Variants in FUT8 observed in about 807,000 individuals in gnomAD.
FUT8 encodes fucosyltransferase 8.
Under a neutral mutation model 71.3 loss-of-function variants are expected in FUT8, and 29 were observed. That is an observed-to-expected ratio of 0.41 (90% confidence interval 0.30 to 0.55). The LOEUF is 0.55. FUT8 is among the 20% of genes least tolerant of loss of function. The pLI, the probability that FUT8 is intolerant of heterozygous loss-of-function variation, is 0.34. For synonymous variants in FUT8, 254 were observed against 239.3 expected (o/e 1.06, Z -0.57); for missense variants, 544 against 702.1 (o/e 0.77, Z 2.55).
At chr14:65,421,143 A>G (rs1229077122) in intron 1 of FUT8, among the ~76,000 whole-genome samples, 2 of 150,720 alleles carry the variant, frequency 1.3e-5, no homozygotes, top group African/African-American at 4.9e-5. Context: ...CAGTGAGCCA[A>G]GGTTGTGTCA....
chr14:65,523,035 C>T (rs1016210375), intron 2 of FUT8, among the ~76,000 whole-genome samples: 2 of 152,090 alleles, frequency 1.3e-5, no homozygotes, highest in East Asian at 1.9e-4. Context: ...ATAAACGTAA[C>T]GTGTGCATGT....
At chr14:65,434,367 T>A (rs1186832975) in intron 1 of FUT8, among the ~76,000 whole-genome samples, 1 of 152,228 alleles carries the variant, frequency 6.6e-6, no homozygotes, top group African/African-American at 2.4e-5. Context: ...GCTGAGAACT[T>A]AGTTCCCTAG....
At chr14:65,406,666 G>A (rs558452560), upstream of FUT8, among the ~76,000 whole-genome samples, 1 of 152,226 alleles carries the variant, frequency 6.6e-6, no homozygotes, top group East Asian at 1.9e-4. Context: ...CTTCCAAGTA[G>A]CTGAGATTAA....
intron 5 of FUT8, among the ~76,000 whole-genome samples, chr14:65,625,765 G>A (rs1186801416): frequency 1.3e-5 from 2 of 152,168 alleles, no homozygotes; most frequent in East Asian, 1.9e-4. Flanking sequence ...TCTAAATGGT[G>A]GCTAAGATTT....
intron 2 of FUT8, among the ~76,000 whole-genome samples, chr14:65,496,803 G>A (rs2066566797): frequency 6.6e-6 from 1 of 152,128 alleles, no homozygotes; most frequent in East Asian, 1.9e-4. Flanking sequence ...CTTCTATGGG[G>A]TATGGCTGTG....
chr14:65,400,281 A>G, the FUT8 span, among the ~76,000 whole-genome samples: 12 of 152,204 alleles, frequency 7.9e-5, no homozygotes, highest in African/African-American at 2.7e-4. Context: ...TTTTTACCCA[A>G]TCATCAAGTT....
Position 65,516,986 on chromosome 14 carries a change from G to T in FUT8, c.-227-44351G>T, listed in dbSNP as rs538507755. ...CACAAAATATGTCCTTCTAGGACTG[G>T]CTCATTGTATTTAGCATAATGTCTT... is the stretch of plus-strand genomic sequence containing the variant. On this transcript the variant is annotated intron_variant, in intron 2 of 10. Transcript: ENST00000673929. Among the ~76,000 whole-genome samples the T allele has an allele frequency of 8.6e-5, 13 of 150,950 alleles. No individual in the cohort carries two copies. In the East Asian group the frequency reaches 2.3e-3, roughly 27 times the overall value.
At chr14:65,647,236 A>G (rs1198702894) in intron 6 of FUT8, among the ~76,000 whole-genome samples, 1 of 152,188 alleles carries the variant, frequency 6.6e-6, no homozygotes, top group Non-Finnish European at 1.5e-5. Context: ...TTTGGTTGTG[A>G]TAGGGAGCAG....
At chr14:65,651,898 A>C (rs1290127728) in intron 6 of FUT8, among the ~76,000 whole-genome samples, 1 of 152,208 alleles carries the variant, frequency 6.6e-6, no homozygotes, top group African/African-American at 2.4e-5. Context: ...ACCTCTGAGA[A>C]AATTACAGAA....
At chr14:65,611,489 T>G (rs1888996699) in intron 3 of FUT8, among the ~76,000 whole-genome samples, 1 of 152,082 alleles carries the variant, frequency 6.6e-6, no homozygotes, top group Non-Finnish European at 1.5e-5. Flanking sequence ...TCTTTATTAC[T>G]TCGTTTCTTC....
At chr14:65,683,854 A>C (rs1283350124) in intron 7 of FUT8, among the ~76,000 whole-genome samples, 1 of 151,982 alleles carries the variant, frequency 6.6e-6, no homozygotes, top group Non-Finnish European at 1.5e-5. Context: ...TAATAGCTTC[A>C]AGCTGTTTCT....
chr14:65,572,185 C>T (rs568143400), intron 3 of FUT8, among the ~76,000 whole-genome samples: 17 of 152,214 alleles, frequency 1.1e-4, no homozygotes, highest in Non-Finnish European at 2.2e-4. Flanking sequence ...CAGTGGGAAA[C>T]AATGCAAGAA....
chr14:65,720,640 C>T (rs1895367584), intron 7 of FUT8, among the ~76,000 whole-genome samples: 1 of 152,146 alleles, frequency 6.6e-6, no homozygotes, highest in Admixed American at 6.5e-5. Context: ...GGTTACGTGC[C>T]CCCTAGGTCC....
At chr14:65,740,211 G>A (rs750156828) in intron 10 of FUT8, among the ~76,000 whole-genome samples, 5 of 151,896 alleles carry the variant, frequency 3.3e-5, no homozygotes, top group Non-Finnish European at 5.9e-5. Flanking sequence ...TAATAAATCT[G>A]AAAGCAAGGT....
intron 7 of FUT8, among the ~76,000 whole-genome samples, chr14:65,718,533 G>T (rs543942257): frequency 4.1e-4 from 62 of 152,218 alleles, no homozygotes; most frequent in African/African-American, 1.4e-3. Context: ...AAATTATGTG[G>T]TTTTTTGTAT....
At chr14:65,551,515 C>T (rs1885280760) in intron 2 of FUT8, among the ~76,000 whole-genome samples, 1 of 151,994 alleles carries the variant, frequency 6.6e-6, no homozygotes, top group Non-Finnish European at 1.5e-5. Context: ...TAAAAATTTC[C>T]TAAGAGGATA....
At chr14:65,386,929 C>A in the FUT8 span, among the ~76,000 whole-genome samples, 34 of 149,464 alleles carry the variant, frequency 2.3e-4, no homozygotes, top group African/African-American at 7.9e-4. Context: ...GCAACCTCTG[C>A]CTCCTGGGTT....
chr14:65,666,720 C>G (rs1043227678), intron 6 of FUT8, among the ~76,000 whole-genome samples: 1 of 151,930 alleles, frequency 6.6e-6, no homozygotes, highest in Non-Finnish European at 1.5e-5. Context: ...GACACAAGAA[C>G]AAAAAGAAAA....
At position 65,413,812 on chromosome 14, in the gene FUT8, T is replaced by C. The variant is rs2065178769; in HGVS notation, c.-326+598T>C. Reference sequence around the variant, plus strand: ...CTGGCGGCTTTTGAGTATCAACTTATTTGGGAAGGTTAAATGAGTCCATAT... The same window carrying C: ...CTGGCGGCTTTTGAGTATCAACTTACTTGGGAAGGTTAAATGAGTCCATAT... On this transcript the variant is annotated intron_variant, in intron 1 of 10. Coordinates refer to ENST00000673929, the MANE Select transcript of FUT8 (RefSeq NM_001371533.1). The surrounding 1 kb of genome is among the most constrained non-coding windows in gnomAD (Gnocchi z 4.1). Among the ~76,000 whole-genome samples the C allele has an allele frequency of 6.6e-6, 1 of 152,276 alleles. No individual in the cohort carries two copies. Among genetic ancestry groups the C allele is most frequent in the African/African-American group, 2.4e-5 (1 of 41,568 alleles).
Sources: allele counts gnomAD v4.1 joint callset (sites outside exome capture counted in the v4.1 genomes callset), GRCh38; gene constraint gnomAD v4.1.1; non-coding constraint Gnocchi (gnomAD v3.1); transcripts MANE v1.5; gene names NCBI Gene and HGNC (gene_info 2026-07-23, HGNC 2026-07-21).